FAM193A: variants seen among roughly 807,000 people sequenced by gnomAD.
The protein encoded by FAM193A is family with sequence similarity 193 member A.
A neutral mutation model predicts 126.5 loss-of-function variants in FAM193A; 22 were observed. The observed-to-expected ratio is 0.17, with a 90% confidence interval of 0.12 to 0.25. FAM193A has a LOEUF of 0.25. Among genes scored for constraint, FAM193A ranks in the 10% least tolerant of loss-of-function variants. FAM193A has a pLI of 1.00. For missense variants in FAM193A, 1,675 were observed against 1,672.8 expected, an observed-to-expected ratio of 1.00 and a Z score of -0.02; for synonymous variants, 761 against 646.8, an observed-to-expected ratio of 1.18 and a Z score of -2.68.
At chr4:2,685,237 G>A (rs981427914) in intron 13 of FAM193A, among the ~76,000 whole-genome samples, 3 of 152,154 alleles carry the variant, frequency 2.0e-5, no homozygotes, top group Non-Finnish European at 2.9e-5. Context: ...AGGACCGGGT[G>A]CCAAGTAGCC....
chr4:2,619,542 A>T (rs1389935426), intron 2 of FAM193A, among the ~76,000 whole-genome samples: 1 of 151,682 alleles, frequency 6.6e-6, no homozygotes, highest in East Asian at 1.9e-4. Flanking sequence ...TAATTTTTGT[A>T]TTTTTAGTAG....
At chr4:2,597,553 G>A (rs552499851) in intron 2 of FAM193A, among the ~76,000 whole-genome samples, 6 of 152,222 alleles carry the variant, frequency 3.9e-5, no homozygotes, top group East Asian at 1.9e-4. Context: ...TCTTGCCTGC[G>A]TTGGAGGAGG....
At chr4:2,625,499 C>T in intron 3 of FAM193A, 104 bp downstream of exon 3, 1 of 571,134 alleles carries the variant, frequency 1.8e-6, no homozygotes, top group East Asian at 3.0e-5. Flanking sequence ...CAGACAGCAA[C>T]AAGAGTAAGG....
rs757128783 is a variant in FAM193A at position 2,646,805 on chromosome 4, G to A, written c.1284G>A (p.Lys428=). The change falls in exon 7 of 21, where the codon AAG becomes AAA. Residue 428 remains lysine, a synonymous_variant. Coordinates refer to ENST00000637812, the MANE Select transcript of FAM193A (RefSeq NM_001366318.2). The part of the protein sequence containing the change: ...RVAEEWLECQ[K]RIDAYVDEQM... ...CCGAGGAGTGGCTGGAGTGCCAGAA[G>A]AGGATCGACGCCTATGTCGACGAGC... 2 of 1,613,474 alleles carry A rather than the reference G, an allele frequency of 1.2e-6. No homozygotes were observed. Among genetic ancestry groups the A allele is most frequent in the South Asian group, 2.2e-5 (2 of 91,006 alleles).
At chr4:2,619,611 C>T (rs968006158) in intron 2 of FAM193A, among the ~76,000 whole-genome samples, 2 of 152,012 alleles carry the variant, frequency 1.3e-5, no homozygotes, top group African/African-American at 4.8e-5. Context: ...CAGGTGGTCC[C>T]GCCCGCCTCT....
chr4:2,647,130 T>C (rs1429732576), intron 7 of FAM193A, among the ~76,000 whole-genome samples: 5 of 152,138 alleles, frequency 3.3e-5, no homozygotes, highest in African/African-American at 9.7e-5. Context: ...CACCAGGCTC[T>C]GCACCCCAGG....
At chr4:2,689,374 C>A (rs1333227704) in intron 13 of FAM193A, 132 bp from the exon 14 acceptor site, 1 of 612,428 alleles carries the variant, frequency 1.6e-6, no homozygotes, top group Non-Finnish European at 2.7e-6. Flanking sequence ...TGTGCTCCCC[C>A]TGGGCTGAGC....
intron 6 of FAM193A, among the ~76,000 whole-genome samples, chr4:2,645,522 CTTTCTTTT>C (rs1278768393): frequency 6.6e-6 from 1 of 150,476 alleles, no homozygotes; most frequent in African/African-American, 2.4e-5. Context: ...CTTTTTTTTT[CTTTCTTTT>C]TTTCTTTTTT....
At chr4:2,675,075 C>T (rs1278560417) in intron 13 of FAM193A, among the ~76,000 whole-genome samples, 1 of 152,182 alleles carries the variant, frequency 6.6e-6, no homozygotes, top group Non-Finnish European at 1.5e-5. Flanking sequence ...TTACTGATTT[C>T]TACTTTAATT....
intron 13 of FAM193A, among the ~76,000 whole-genome samples, chr4:2,673,510 A>T (rs962535560): frequency 2.0e-4 from 30 of 152,194 alleles, no homozygotes; most frequent in Admixed American, 6.5e-5. Flanking sequence ...CAACCATCCA[A>T]ATTCATGCTT....
At chr4:2,605,393 A>T (rs950609209) in intron 2 of FAM193A, among the ~76,000 whole-genome samples, 1 of 152,302 alleles carries the variant, frequency 6.6e-6, no homozygotes, top group Admixed American at 6.5e-5. Flanking sequence ...CAGAAATGTA[A>T]TCGTACTGTG....
intron 1 of FAM193A, among the ~76,000 whole-genome samples, chr4:2,580,521 G>A (rs1010259099): frequency 2.6e-5 from 4 of 152,134 alleles, no homozygotes; most frequent in Non-Finnish European, 5.9e-5. Flanking sequence ...CCATTTTGGA[G>A]CTAGGGTCTG....
At chr4:2,643,429 C>T (rs1183387424) in intron 6 of FAM193A, among the ~76,000 whole-genome samples, 4 of 152,034 alleles carry the variant, frequency 2.6e-5, no homozygotes, top group African/African-American at 7.2e-5. Context: ...GTATATATAA[C>T]ATAAAGCTTA....
intron 13 of FAM193A, 55 bp downstream of exon 13, chr4:2,672,427 A>G: frequency 6.3e-7 from 1 of 1,589,964 alleles, no homozygotes; most frequent in Non-Finnish European, 8.6e-7. Flanking sequence ...ATCCTACAGG[A>G]GTACATAGTC....
chr4:2,715,675 G>A (rs1262707083), intron 19 of FAM193A, among the ~76,000 whole-genome samples: 1 of 152,150 alleles, frequency 6.6e-6, no homozygotes, highest in Non-Finnish European at 1.5e-5. Context: ...CTGGGCTTGC[G>A]TGCGAATTAG....
At chr4:2,603,693 T>C (rs1228846564) in intron 2 of FAM193A, among the ~76,000 whole-genome samples, 1 of 151,962 alleles carries the variant, frequency 6.6e-6, no homozygotes, top group Non-Finnish European at 1.5e-5. Context: ...TCTCCTGACC[T>C]CGTGATCTGC....
In FAM193A at chr4:2,698,889, C is replaced by G. The variant is rs987027110; in HGVS notation, c.3508-791C>G. On this transcript the variant is annotated intron_variant, in intron 18 of 20. Transcript: ENST00000637812. ...CTGTCACACTAGTGAAAATATATGG[C>G]ACTTCTGTTTATCTGCTAGGGTGGG... 3.9e-5 allele frequency among the ~76,000 whole-genome samples: 6 copies of G among 152,166 alleles called. No individual in the cohort carries two copies. The South Asian group carries it at 1.2e-3, about 32-fold the overall frequency.
At chr4:2,672,792 T>TA (rs1396638082) in intron 13 of FAM193A, among the ~76,000 whole-genome samples, 2 of 152,208 alleles carry the variant, frequency 1.3e-5, no homozygotes, top group East Asian at 3.8e-4. Context: ...CTACAGGGTC[T>TA]AAAATGTCTA....
rs528689617 is a variant in FAM193A, at chr4:2,631,409, G to A, written c.1038+240G>A. Among the ~76,000 whole-genome samples, 140 of 152,254 alleles carry A rather than the reference G, an allele frequency of 9.2e-4. 1 individual carries two copies. The highest frequency in any genetic ancestry group is 9.0e-3 in the Admixed American group (137 of 15,294). On this transcript the variant is annotated intron_variant, in intron 5 of 20. Coordinates refer to ENST00000637812, the MANE Select transcript of FAM193A (RefSeq NM_001366318.2). ...GCAGGTGACACCTCATGGTAGTACT[G>A]TTTGGAGGACCTTGAGGCCCAGGGA...
Sources: gnomAD v4.1 joint callset for allele counts (sites outside exome capture counted in the v4.1 genomes callset) on GRCh38, gnomAD v4.1.1 for gene constraint, MANE v1.5 for transcripts, NCBI Gene and HGNC (gene_info 2026-07-23, HGNC 2026-07-21) for gene names.